Variants in ANXA8 observed in about 807,000 individuals in gnomAD.
ANXA8 encodes VAC-beta.
A neutral mutation model predicts 26.8 loss-of-function variants in ANXA8; 9 were observed. The ratio of observed to expected loss-of-function variants is 0.34; its 90% CI spans 0.20 to 0.59. The LOEUF (loss-of-function observed/expected upper bound fraction) is 0.59, where lower values mean the gene tolerates loss of function less well. ANXA8 is among the 20% of genes least tolerant of loss of function. ANXA8 has a pLI of 0.84. For missense variants in ANXA8, 83 were observed against 238.5 expected, an observed-to-expected ratio of 0.35 and a Z score of 4.29; for synonymous variants, 39 against 94.8, an observed-to-expected ratio of 0.41 and a Z score of 3.42.
chr10:47,494,959 A>G, the ANXA8 span, among the ~76,000 whole-genome samples: 2,567 of 151,982 alleles, frequency 0.017, 3 homozygotes, highest in Admixed American at 0.03. Flanking sequence ...TCCCAAAGAG[A>G]GCTGTGGCTG....
the ANXA8 span, among the ~76,000 whole-genome samples, chr10:47,681,525 T>A: frequency 1.0e-4 from 12 of 118,546 alleles, no homozygotes; most frequent in South Asian, 2.8e-4. Flanking sequence ...TATTTTTACT[T>A]TTTTTTTTTT....
chr10:47,953,965 T>C, the ANXA8 span, among the ~76,000 whole-genome samples: 2 of 149,966 alleles, frequency 1.3e-5, no homozygotes, highest in Non-Finnish European at 3.0e-5. Context: ...ATACAGCCAC[T>C]AGGATGAACA....
At chr10:47,753,143 G>C in the ANXA8 span, 1 of 978,512 alleles carries the variant, frequency 1.0e-6, no homozygotes, top group Non-Finnish European at 1.2e-6. Context: ...AGAAAAAGAA[G>C]GAAAAAAGAG....
At chr10:47,702,147 T>A in the ANXA8 span, among the ~76,000 whole-genome samples, 1 of 149,154 alleles carries the variant, frequency 6.7e-6, no homozygotes, top group Non-Finnish European at 1.5e-5. Context: ...GAGGTATTGT[T>A]ATAAACTGAG....
the ANXA8 span, among the ~76,000 whole-genome samples, chr10:47,945,342 G>C: frequency 1.0e-4 from 15 of 150,452 alleles, no homozygotes; most frequent in African/African-American, 3.7e-4. Context: ...GGAGGCAGCA[G>C]GTGACTCGAT....
chr10:47,735,189 T>G, the ANXA8 span, among the ~76,000 whole-genome samples: 2 of 148,278 alleles, frequency 1.3e-5, no homozygotes, highest in Admixed American at 1.4e-4. Context: ...AGCCTCTACC[T>G]CCTGGGCGCA....
At chr10:47,718,127 T>C in the ANXA8 span, among the ~76,000 whole-genome samples, 1 of 152,374 alleles carries the variant, frequency 6.6e-6, no homozygotes, top group Admixed American at 6.5e-5. Context: ...GTAACAAACC[T>C]GCACATCTAC....
At chr10:47,989,262 G>A in the ANXA8 span, among the ~76,000 whole-genome samples, 51 of 135,504 alleles carry the variant, frequency 3.8e-4, no homozygotes, top group Non-Finnish European at 7.1e-4. Context: ...CCACAGGAAC[G>A]CAGGTCGTCT....
the ANXA8 span, among the ~76,000 whole-genome samples, chr10:47,677,347 G>A: frequency 0.061 from 8,896 of 146,020 alleles, 3 homozygotes; most frequent in Non-Finnish European, 0.079. Context: ...ATCTGCCCAA[G>A]AGGGATTAAC....
the ANXA8 span, among the ~76,000 whole-genome samples, chr10:47,897,090 C>T: frequency 5.4e-5 from 6 of 110,626 alleles, no homozygotes; most frequent in Non-Finnish European, 9.3e-5. Flanking sequence ...CACCACCATG[C>T]CCGGCTAATT....
chr10:47,631,748 C>T, the ANXA8 span, among the ~76,000 whole-genome samples: 1 of 150,472 alleles, frequency 6.6e-6, no homozygotes, highest in East Asian at 1.9e-4. Context: ...TTAGAGAATT[C>T]ATCCTGGCAT....
the ANXA8 span, among the ~76,000 whole-genome samples, chr10:47,747,892 A>G: frequency 2.6e-5 from 4 of 151,912 alleles, no homozygotes; most frequent in Non-Finnish European, 5.9e-5. Context: ...GAAATTAACT[A>G]CTTAGCATAT....
At chr10:47,741,813 C>T in the ANXA8 span, among the ~76,000 whole-genome samples, 3 of 149,204 alleles carry the variant, frequency 2.0e-5, no homozygotes, top group African/African-American at 4.9e-5. Flanking sequence ...CTCAATAAAA[C>T]GATTATAAAA....
the ANXA8 span, among the ~76,000 whole-genome samples, chr10:47,772,104 A>C: frequency 6.6e-6 from 1 of 151,600 alleles, no homozygotes; most frequent in Non-Finnish European, 1.5e-5. Flanking sequence ...CTTTACTATC[A>C]AATCAGATAT....
chr10:47,501,139 T>C, the ANXA8 span, among the ~76,000 whole-genome samples: 8 of 142,426 alleles, frequency 5.6e-5, no homozygotes, highest in African/African-American at 7.8e-5. Context: ...CCTGACCTCA[T>C]GATCCGCCTG....
chr10:47,680,402 C>A, the ANXA8 span, among the ~76,000 whole-genome samples: 7 of 151,752 alleles, frequency 4.6e-5, no homozygotes, highest in East Asian at 3.9e-4. Context: ...TGGGAGTCTG[C>A]GGTGGGTGGA....
chr10:47,698,741 C>T, the ANXA8 span, among the ~76,000 whole-genome samples: 1 of 152,212 alleles, frequency 6.6e-6, no homozygotes, highest in East Asian at 1.9e-4. Context: ...ACTGGGGAGG[C>T]TTAAGTGGGA....
chr10:47,650,617 T>G, the ANXA8 span, among the ~76,000 whole-genome samples: 5 of 144,942 alleles, frequency 3.4e-5, no homozygotes, highest in African/African-American at 1.0e-4. Flanking sequence ...CCATCCTGGC[T>G]AACATGGTGA....
At chr10:47,665,304 T>C in the ANXA8 span, among the ~76,000 whole-genome samples, 1 of 150,148 alleles carries the variant, frequency 6.7e-6, no homozygotes, top group Non-Finnish European at 1.5e-5. Context: ...TATACATACT[T>C]AGAAATAGTC....
Sources: allele counts gnomAD v4.1 joint callset (sites outside exome capture counted in the v4.1 genomes callset), GRCh38; gene constraint gnomAD v4.1.1; transcripts MANE v1.5; gene names NCBI Gene and HGNC (gene_info 2026-07-23, HGNC 2026-07-21).